Variants in ARID2 observed in about 807,000 individuals in gnomAD.
ARID2 encodes the protein AT-rich interactive domain-containing protein 2.
In ARID2, 32 loss-of-function variants were observed where a neutral mutation model predicts 184.6. The observed-to-expected ratio is 0.17, with a 90% CI of 0.13 to 0.23. The LOEUF (loss-of-function observed/expected upper bound fraction) is 0.23. Among genes scored for constraint, ARID2 ranks in the 10% least tolerant of loss-of-function variants. The pLI, the probability that ARID2 is intolerant of heterozygous loss-of-function variation, is 1.00. For missense variants in ARID2, 1,696 were observed against 2,197.6 expected (o/e 0.77, Z 4.56); for synonymous variants, 836 against 772.6 (o/e 1.08, Z -1.36).
intron 3 of ARID2, among the ~76,000 whole-genome samples, chr12:45,800,769 A>G (rs1026349058): frequency 1.3e-5 from 2 of 152,144 alleles, no homozygotes; most frequent in African/African-American, 4.8e-5. Flanking sequence ...AAAAAAAATG[A>G]TAAGGACACA....
chr12:45,777,800 A>G (rs1228149641), intron 3 of ARID2, among the ~76,000 whole-genome samples: 2 of 147,794 alleles, frequency 1.4e-5, no homozygotes, highest in Non-Finnish European at 3.0e-5. Context: ...TTATATAAAT[A>G]TATATTTTAT....
At chr12:45,822,953 A>G (rs1431466800) in intron 6 of ARID2, among the ~76,000 whole-genome samples, 3 of 152,194 alleles carry the variant, frequency 2.0e-5, no homozygotes, top group Non-Finnish European at 4.4e-5. Context: ...CTTAATCTGC[A>G]CTATAGACCA....
chr12:45,784,619 G>C (rs1465535962), intron 3 of ARID2, among the ~76,000 whole-genome samples: 1 of 152,076 alleles, frequency 6.6e-6, no homozygotes, highest in African/African-American at 2.4e-5. Flanking sequence ...AGCCGAGATC[G>C]TGCTACTGCA....
At position 45,821,611 on chromosome 12, in the gene ARID2, T is replaced by C. The variant is rs566711596; in HGVS notation, c.705+124T>C. ...TACTTTTATCTTTACCTAATACATA[T>C]GCCATACACAACGATTTTAAAGTTG... On this transcript the variant is annotated intron_variant, in intron 6 of 20. Transcript: ENST00000334344. 25 of 471,564 alleles carry C rather than the reference T, an allele frequency of 5.3e-5. No homozygotes were observed. The East Asian group carries it at 8.6e-4, about 16-fold the overall frequency. 29.2% of individuals were successfully genotyped at this position (471,564 alleles called of 1,614,324 possible).
At chr12:45,802,900 T>C (rs968983253) in intron 3 of ARID2, among the ~76,000 whole-genome samples, 2 of 152,174 alleles carry the variant, frequency 1.3e-5, no homozygotes, top group African/African-American at 4.8e-5. Flanking sequence ...GTGAATGACA[T>C]AATAAATGAT....
intron 3 of ARID2, among the ~76,000 whole-genome samples, chr12:45,797,727 T>G (rs916688038): frequency 1.3e-5 from 2 of 151,936 alleles, no homozygotes; most frequent in Non-Finnish European, 2.9e-5. Flanking sequence ...AAAAATTAAT[T>G]TTTTTTGTTT....
In ARID2 at chr12:45,860,954, A is replaced by G. The variant is rs1943735603; in HGVS notation, c.4922+5A>G. 6.5e-7 allele frequency: 1 copy of G among 1,535,902 alleles called. No homozygotes were observed. Among genetic ancestry groups the G allele is most frequent in the Admixed American group, 2.1e-5 (1 of 48,190 alleles). On this transcript the variant is annotated splice_donor_5th_base_variant and intron_variant, in intron 16 of 20. Coordinates refer to ENST00000334344, the MANE Select transcript of ARID2 (RefSeq NM_152641.4). ...TCTGTGGCAGTCTTGTAAAAAGTAA[A>G]TGGCAATTTTATTTGATATATAAAA... is the stretch of plus-strand genomic sequence containing the variant.
chr12:45,841,538 A>G (rs1023179631), intron 11 of ARID2: 2 of 152,182 alleles, frequency 1.3e-5, no homozygotes, highest in African/African-American at 4.8e-5. Context: ...TGGAATTACC[A>G]TCTTTAAACT....
intron 6 of ARID2, among the ~76,000 whole-genome samples, chr12:45,825,257 C>T (rs1372557996): frequency 1.3e-5 from 2 of 152,016 alleles, no homozygotes; most frequent in Admixed American, 1.3e-4. Flanking sequence ...GCTCCCAACA[C>T]AAAGAAATGA....
intron 3 of ARID2, among the ~76,000 whole-genome samples, chr12:45,769,519 A>AGAT (rs1941829802): frequency 6.6e-6 from 1 of 152,216 alleles, no homozygotes; most frequent in East Asian, 1.9e-4. Context: ...AGCATGGAGA[A>AGAT]TAATCAACAG....
intron 16 of ARID2, among the ~76,000 whole-genome samples, chr12:45,868,082 C>T (rs746533273): frequency 3.3e-5 from 5 of 152,120 alleles, no homozygotes; most frequent in African/African-American, 4.8e-5. Context: ...ATTATCTACT[C>T]GTGTCATTTG....
rs75491603 is a variant in ARID2, at chr12:45,761,169, C to T, written c.284+29855C>T. Among the ~76,000 whole-genome samples the T allele has an allele frequency of 8.4e-3, 1,283 of 152,314 alleles. 8 individuals are homozygous for T. The highest frequency in any genetic ancestry group is 0.014 in the Non-Finnish European group (948 of 68,018). ...AGTGTCCAAGTTGAATCTTTCTCTT[C>T]TCCCTTCCTTGCCCAACAAATTCCA... On this transcript the variant is annotated intron_variant, in intron 3 of 20. Transcript: ENST00000334344.
Position 45,804,489 on chromosome 12 carries a change from C to CGT in ARID2, c.285-6910_285-6909dup, listed in dbSNP as rs141399769. On this transcript the variant is annotated intron_variant, in intron 3 of 20. Coordinates refer to ENST00000334344, the MANE Select transcript of ARID2 (RefSeq NM_152641.4). ...TTTTTCTAGTGTGTGCGTGTGTGTG[C>CGT]GTGTGTGTGTGTGTGTGTGTCTGTA... Among the ~76,000 whole-genome samples the CGT allele has an allele frequency of 5.3e-3, 774 of 146,568 alleles. 3 individuals carry two copies. Among genetic ancestry groups the CGT allele is most frequent in the South Asian group, 0.011 (50 of 4,598 alleles).
chr12:45,862,844 A>G (rs1012446038), intron 16 of ARID2, among the ~76,000 whole-genome samples: 5 of 152,168 alleles, frequency 3.3e-5, no homozygotes, highest in Non-Finnish European at 5.9e-5. Context: ...TTTTCTTGCT[A>G]GTCTTTTCTA....
rs748902977 is a variant in ARID2 at position 45,839,412 on chromosome 12, A to C, written c.1414A>C (p.Ser472Arg). 8.1e-5 allele frequency: 131 copies of C among 1,614,044 alleles called. No individual in the cohort carries two copies. Among genetic ancestry groups the C allele is most frequent in the Non-Finnish European group, 1.1e-4 (127 of 1,180,012 alleles). The change falls in exon 11 of 21, where the codon AGT becomes CGT. Residue 472 changes from serine (S) to arginine (R), a missense_variant. Physicochemically the swap from Ser to Arg is moderately radical, Grantham distance 110 (BLOSUM62 -1). This residue lies in a region of ARID2 where 713 missense variants were observed against 824.4 expected (regional missense o/e 0.86). Coordinates refer to ENST00000334344, the MANE Select transcript of ARID2 (RefSeq NM_152641.4). ...TGCGGTAAAACTCATTGAACACCCA[A>C]GTTCCAGTCATCAAATGTTATCTGA... ...LAAVKLIEHPSSSHQMLSEIR... is the reference protein window; with the variant it reads ...LAAVKLIEHPRSSHQMLSEIR...
chr12:45,889,937 CATAA>C (rs1228101811), intron 16 of ARID2, among the ~76,000 whole-genome samples: 1 of 152,160 alleles, frequency 6.6e-6, no homozygotes, highest in East Asian at 1.9e-4. Flanking sequence ...GACTCTGTCT[CATAA>C]ATAAATAAAA....
At chr12:45,869,000 T>G (rs1192275990) in intron 16 of ARID2, among the ~76,000 whole-genome samples, 5 of 147,912 alleles carry the variant, frequency 3.4e-5, no homozygotes, top group Non-Finnish European at 1.5e-5. Context: ...AAAGGCATGT[T>G]GGGATTTGGG....
chr12:45,761,954 ACT>A (rs1179646971), intron 3 of ARID2, among the ~76,000 whole-genome samples: 1 of 151,750 alleles, frequency 6.6e-6, no homozygotes, highest in East Asian at 1.9e-4. Context: ...TCTTAAATCA[ACT>A]CTGTTCATTT....
At chr12:45,885,720 C>T (rs892819522) in intron 16 of ARID2, among the ~76,000 whole-genome samples, 11 of 152,192 alleles carry the variant, frequency 7.2e-5, no homozygotes, top group Admixed American at 6.5e-4. Flanking sequence ...GAGAAGCAAA[C>T]ATGTCCTTCT....
Sources: gnomAD v4.1 joint callset for allele counts (sites outside exome capture counted in the v4.1 genomes callset) on GRCh38, gnomAD v4.1.1 for gene constraint, gnomAD v4.1.1 regional missense constraint, MANE v1.5 for transcripts, NCBI Gene and HGNC (gene_info 2026-07-23, HGNC 2026-07-21) for gene names.